SLC49A4: variants seen among roughly 807,000 people sequenced by gnomAD.
SLC49A4 encodes solute carrier family 49 member 4.
Under a neutral mutation model 50.6 loss-of-function variants are expected in SLC49A4, and 36 were observed. That is an observed-to-expected ratio of 0.71 (90% confidence interval 0.55 to 0.94). The LOEUF (loss-of-function observed/expected upper bound fraction) is 0.94, where lower values mean the gene tolerates loss of function less well. SLC49A4 is among the 40% of genes least tolerant of loss of function. The pLI is 0.00. For synonymous variants in SLC49A4, 248 were observed against 241.2 expected (o/e 1.03, Z -0.26); for missense variants, 503 against 605.7 (o/e 0.83, Z 1.78).
At position 122,872,437 on chromosome 3, in the gene SLC49A4, TCTC is replaced by T. The variant is rs1306079572; in HGVS notation, c.1164_1166del (p.Leu389del). 2 of 1,611,578 alleles carry T rather than the reference TCTC, an allele frequency of 1.2e-6. No homozygotes were observed. The highest frequency in any genetic ancestry group is 2.2e-5 in the East Asian group (1 of 44,858). On this transcript the variant is annotated inframe_deletion, in exon 8 of 9. Coordinates refer to ENST00000261038, the MANE Select transcript of SLC49A4 (RefSeq NM_032839.3). ...TAGTGACATTGTATGCCTCCTGTAT[TCTC>T]CTGGGAGTGTTCTTGAATAGCAGCG...
intron 2 of SLC49A4, among the ~76,000 whole-genome samples, chr3:122,826,190 G>A (rs915164847): frequency 7.2e-5 from 11 of 152,236 alleles, no homozygotes; most frequent in Admixed American, 5.2e-4. Context: ...CAGGTCCTCC[G>A]GTTCCTCAAC....
At chr3:122,843,132 A>C (rs1936795871) in intron 4 of SLC49A4, among the ~76,000 whole-genome samples, 1 of 152,058 alleles carries the variant, frequency 6.6e-6, no homozygotes, top group Non-Finnish European at 1.5e-5. Context: ...ACTGTTTTGT[A>C]TGCATCTATG....
At chr3:122,832,024 A>C (rs1455677455) in intron 3 of SLC49A4, among the ~76,000 whole-genome samples, 2 of 152,066 alleles carry the variant, frequency 1.3e-5, no homozygotes, top group African/African-American at 4.8e-5. Flanking sequence ...TTAAAAAAAT[A>C]GGAATCTTTA....
At chr3:122,857,207 A>C (rs1936999759) in intron 6 of SLC49A4, among the ~76,000 whole-genome samples, 1 of 147,478 alleles carries the variant, frequency 6.8e-6, no homozygotes, top group Non-Finnish European at 1.5e-5. Context: ...GTTTCATCAC[A>C]CTCTCTTTGA....
intron 2 of SLC49A4, among the ~76,000 whole-genome samples, chr3:122,819,682 T>A (rs547632628): frequency 1.5e-4 from 23 of 152,236 alleles, no homozygotes; most frequent in Non-Finnish European, 2.5e-4. Flanking sequence ...ATTTCTCTTT[T>A]CCTGTCTTCC....
In SLC49A4 at chr3:122,840,957, G is replaced by A. The variant is rs1169317712; in HGVS notation, c.834-4806G>A. Among the ~76,000 whole-genome samples, 5 of 152,154 alleles carry A rather than the reference G, an allele frequency of 3.3e-5. No homozygotes were observed. The South Asian group carries it at 8.3e-4, about 25-fold the overall frequency. On this transcript the variant is annotated intron_variant, in intron 4 of 8. Transcript: ENST00000261038. ...GAATACTATTTTTATTCTTTTCCTC[G>A]TAATTTTTAACAAATTTCCATAGCT...
chr3:122,803,692 T>C (rs533467638), intron 1 of SLC49A4, among the ~76,000 whole-genome samples: 1 of 152,296 alleles, frequency 6.6e-6, no homozygotes, highest in East Asian at 1.9e-4. Context: ...TGATTTTCCA[T>C]GCTTCCACTA....
chr3:122,845,831 G>C lies in SLC49A4; in HGVS notation c.902G>C (p.Gly301Ala), dbSNP rs1366201836. 6.2e-7 allele frequency: 1 copy of C among 1,612,658 alleles called. No individual in the cohort carries two copies. ...IPLGVFAGWS[G>A]VLDLILTPAH... ...CTTGGTGTATTTGCTGGCTGGTCTG[G>C]AGTTCTGGACTTAATTTTAACACCA... Residue 301 changes from glycine to alanine, a missense_variant, in exon 5 of 9, where the codon GGA (glycine) becomes GCA (alanine). Gly to Ala is a moderately conservative substitution (Grantham distance 60). Transcript: ENST00000261038.
At chr3:122,827,137 A>T (rs547428478) in intron 3 of SLC49A4, 72 bp downstream of exon 3, 1 of 1,499,054 alleles carries the variant, frequency 6.7e-7, no homozygotes, top group Non-Finnish European at 9.0e-7. Context: ...TACTTTTTGT[A>T]TAACAGATAC....
rs1306326887 is a variant in SLC49A4, at chr3:122,833,461, A to C, written c.833+15A>C. 1.2e-6 allele frequency: 2 copies of C among 1,608,172 alleles called. No individual in the cohort carries two copies. Among genetic ancestry groups the C allele is most frequent in the Non-Finnish European group, 1.7e-6 (2 of 1,176,190 alleles). On this transcript the variant is annotated intron_variant, in intron 4 of 8. Transcript: ENST00000261038. The stretch of plus-strand genomic sequence containing the variant: ...AGATTATTAAGGTAAATATACTGAG[A>C]GTCACTGGATGGCTTTGACTGACAC...
chr3:122,852,933 C>T (rs1936943631), intron 5 of SLC49A4, among the ~76,000 whole-genome samples: 2 of 152,120 alleles, frequency 1.3e-5, no homozygotes, highest in African/African-American at 4.8e-5. Context: ...TTTCTTGGCT[C>T]TCTGATGGCT....
In SLC49A4 at chr3:122,833,292, C is replaced by T. The variant is rs761532191; in HGVS notation, c.704-25C>T. On this transcript the variant is annotated intron_variant, in intron 3 of 8. Transcript: ENST00000261038. Reference sequence around the variant, plus strand: ...TCAACTTTTTGTGTTTCCTGGTTAACATTTTACCTATTTTTTTCTTTCAGA... The same window carrying T: ...TCAACTTTTTGTGTTTCCTGGTTAATATTTTACCTATTTTTTTCTTTCAGA... The T allele has an allele frequency of 5.6e-6, 9 of 1,605,662 alleles. No individual in the cohort carries two copies. In the South Asian group the frequency reaches 7.7e-5, roughly 14 times the overall value.
intron 1 of SLC49A4, among the ~76,000 whole-genome samples, chr3:122,805,069 A>G (rs1936195178): frequency 6.6e-6 from 1 of 152,106 alleles, no homozygotes; most frequent in Non-Finnish European, 1.5e-5. Flanking sequence ...TCTATTCAGT[A>G]TCTCGTAGGG....
chr3:122,866,830 T>C (rs1937127562), intron 7 of SLC49A4, among the ~76,000 whole-genome samples: 1 of 152,098 alleles, frequency 6.6e-6, no homozygotes, highest in Non-Finnish European at 1.5e-5. Context: ...CCTTAAAACA[T>C]TTTACTAGAA....
intron 4 of SLC49A4, 85 bp from the exon 5 acceptor site, chr3:122,845,678 T>C (rs1342521327): frequency 5.3e-6 from 3 of 563,362 alleles, no homozygotes; most frequent in Non-Finnish European, 8.3e-6. Context: ...GTGTTCCAGT[T>C]TCCAAATGAC....
chr3:122,814,785 T>G (rs1316857263), intron 2 of SLC49A4, among the ~76,000 whole-genome samples: 1 of 152,214 alleles, frequency 6.6e-6, no homozygotes. Context: ...GTGAGTTTTT[T>G]TGTGTGACTT....
chr3:122,850,229 C>T (rs921487134), intron 5 of SLC49A4, among the ~76,000 whole-genome samples: 1 of 152,102 alleles, frequency 6.6e-6, no homozygotes, highest in Non-Finnish European at 1.5e-5. Context: ...TAATATCACA[C>T]GTAGGAATGC....
In SLC49A4 at chr3:122,795,940, T is replaced by C. The variant is rs2292447; in HGVS notation, c.343+405T>C. 3.4e-3 allele frequency among the ~76,000 whole-genome samples: 523 copies of C among 152,294 alleles called. 11 individuals are homozygous for C. The East Asian group carries it at 0.075, about 22-fold the overall frequency. On this transcript the variant is annotated intron_variant, in intron 1 of 8. Transcript: ENST00000261038. ...GAAAGGTCGGAAAATAGATTGACGGTGCCCATATGTAAGGAAATAATGAGT... is the reference window on the plus strand; with the variant it reads ...GAAAGGTCGGAAAATAGATTGACGGCGCCCATATGTAAGGAAATAATGAGT...
chr3:122,865,080 T>A (rs1035312418), intron 7 of SLC49A4, among the ~76,000 whole-genome samples: 1 of 152,206 alleles, frequency 6.6e-6, no homozygotes, highest in Non-Finnish European at 1.5e-5. Context: ...TATTTTCATG[T>A]CTTTTGCCTC....
Sources: gnomAD v4.1 joint callset for allele counts (sites outside exome capture counted in the v4.1 genomes callset) on GRCh38, gnomAD v4.1.1 for gene constraint, MANE v1.5 for transcripts, NCBI Gene and HGNC (gene_info 2026-07-23, HGNC 2026-07-21) for gene names.